Variants in VTI1A observed in about 807,000 individuals in gnomAD.
VTI1A encodes vesicle transport through interaction with t-SNAREs homolog 1A.
A neutral mutation model predicts 34.9 loss-of-function variants in VTI1A; 22 were observed. The ratio of observed to expected loss-of-function variants is 0.63; its 90% CI spans 0.45 to 0.90. The LOEUF (loss-of-function observed/expected upper bound fraction) is 0.90, where lower values mean the gene tolerates loss of function less well. VTI1A is among the 40% of genes least tolerant of loss of function. The pLI is 0.00. For synonymous variants in VTI1A, 87 were observed against 97.3 expected (o/e 0.89, Z 0.62); for missense variants, 268 against 275.6 (o/e 0.97, Z 0.20).
At chr10:112,464,787 T>C (rs1374131940) in intron 3 of VTI1A, 130 bp downstream of exon 3, 2 of 749,554 alleles carry the variant, frequency 2.7e-6, no homozygotes, top group Non-Finnish European at 4.4e-6. Context: ...TCATTCTTTA[T>C]GAGTTAGGGA....
intron 7 of VTI1A, among the ~76,000 whole-genome samples, chr10:112,679,046 G>A (rs577704302): frequency 2.0e-5 from 3 of 152,154 alleles, no homozygotes; most frequent in East Asian, 3.9e-4. Context: ...TTACACTTTG[G>A]TGCTGTTCCT....
At chr10:112,464,195 G>A (rs766635871) in intron 2 of VTI1A, among the ~76,000 whole-genome samples, 2 of 152,016 alleles carry the variant, frequency 1.3e-5, no homozygotes, top group African/African-American at 2.4e-5. Context: ...ATGGGGTTTC[G>A]CCATGTTGCC....
chr10:112,572,723 A>G (rs1852183179), intron 5 of VTI1A, among the ~76,000 whole-genome samples: 1 of 151,612 alleles, frequency 6.6e-6, no homozygotes, highest in Non-Finnish European at 1.5e-5. Context: ...CTGTAGTCCC[A>G]GCTACTCGGG....
chr10:112,632,242 G>C (rs537563027), intron 5 of VTI1A, among the ~76,000 whole-genome samples: 14 of 152,170 alleles, frequency 9.2e-5, no homozygotes, highest in African/African-American at 3.4e-4. Flanking sequence ...CAAATGTCCT[G>C]CTGGTCATTT....
chr10:112,754,951 G>A (rs938042782), intron 7 of VTI1A, among the ~76,000 whole-genome samples: 5 of 152,170 alleles, frequency 3.3e-5, no homozygotes, highest in African/African-American at 1.2e-4. Context: ...GGTTTCCAAG[G>A]CTGTTCAGAA....
intron 5 of VTI1A, among the ~76,000 whole-genome samples, chr10:112,562,712 A>AGAGGGAAAAGGTGGAATTTGAAAAG (rs1851770024): frequency 1.3e-5 from 2 of 152,182 alleles, no homozygotes; most frequent in Admixed American, 6.5e-5. Context: ...AAGAGAGAGA[A>AGAGGGAAAAGGTGGAATTTGAAAAG]GAGGGAAAAG....
At chr10:112,542,217 T>C (rs1205085754) in intron 5 of VTI1A, among the ~76,000 whole-genome samples, 1 of 152,016 alleles carries the variant, frequency 6.6e-6, no homozygotes, top group African/African-American at 2.4e-5. Context: ...GAAAGAGAAA[T>C]TGTACAAGGG....
intron 4 of VTI1A, among the ~76,000 whole-genome samples, chr10:112,535,598 C>T (rs186903685): frequency 6.6e-6 from 1 of 152,246 alleles, no homozygotes; most frequent in East Asian, 1.9e-4. Context: ...TTGGCTCTGC[C>T]GAGCTCCGTT....
chr10:112,618,483 A>G (rs1433473965), intron 5 of VTI1A, among the ~76,000 whole-genome samples: 3 of 120,294 alleles, frequency 2.5e-5, no homozygotes, highest in Non-Finnish European at 5.0e-5. Context: ...TATACAAATG[A>G]TTATATTATA....
At chr10:112,600,060 A>C (rs1844824956) in intron 5 of VTI1A, among the ~76,000 whole-genome samples, 1 of 152,224 alleles carries the variant, frequency 6.6e-6, no homozygotes, top group South Asian at 2.1e-4. Flanking sequence ...GCAGGCTCAC[A>C]GCTGGTGTGT....
rs543497091 is a variant in VTI1A, at chr10:112,750,979, C to T, written c.561-64311C>T. ...TTTAAGTAGACATCCAGGAAGAGAA[C>T]GAAAGTTCCCCTGTTGGTTTTCCCC... is the stretch of plus-strand genomic sequence containing the variant. On this transcript the variant is annotated intron_variant, in intron 7 of 7. Transcript: ENST00000393077. Among the ~76,000 whole-genome samples the T allele has an allele frequency of 5.9e-5, 9 of 152,254 alleles. No individual in the cohort carries two copies. The South Asian group carries it at 1.2e-3, about 21-fold the overall frequency.
chr10:112,454,983 T>C (rs953205989), intron 1 of VTI1A, among the ~76,000 whole-genome samples: 5 of 152,042 alleles, frequency 3.3e-5, no homozygotes, highest in Non-Finnish European at 7.4e-5. Flanking sequence ...TGTACATTAA[T>C]GATAGCCCTT....
At chr10:112,662,604 C>A (rs1166007039) in intron 5 of VTI1A, among the ~76,000 whole-genome samples, 2 of 152,094 alleles carry the variant, frequency 1.3e-5, no homozygotes, top group African/African-American at 4.8e-5. Context: ...GTTCTAAAAT[C>A]TTTATGTGCT....
intron 5 of VTI1A, among the ~76,000 whole-genome samples, chr10:112,630,158 G>T (rs1337254796): frequency 2.0e-5 from 3 of 152,192 alleles, no homozygotes; most frequent in Non-Finnish European, 2.9e-5. Flanking sequence ...CCTTTCTAGA[G>T]AAGTTGTTAT....
chr10:112,795,184 G>T (rs1039911252), intron 7 of VTI1A, among the ~76,000 whole-genome samples: 1 of 152,112 alleles, frequency 6.6e-6, no homozygotes, highest in Non-Finnish European at 1.5e-5. Flanking sequence ...TGTGGTCTTT[G>T]ACATCAGATC....
intron 7 of VTI1A, among the ~76,000 whole-genome samples, chr10:112,769,276 T>C (rs1222238674): frequency 2.6e-5 from 4 of 152,170 alleles, no homozygotes; most frequent in African/African-American, 9.7e-5. Flanking sequence ...TGTGGCTGTC[T>C]CAGGGCCTCA....
chr10:112,607,947 C>T (rs1564846439), intron 5 of VTI1A, among the ~76,000 whole-genome samples: 1 of 152,166 alleles, frequency 6.6e-6, no homozygotes, highest in Non-Finnish European at 1.5e-5. Context: ...ATAGCCAAGA[C>T]AAAAGCCTTA....
the VTI1A span, among the ~76,000 whole-genome samples, chr10:112,827,959 A>G: frequency 6.6e-6 from 1 of 152,314 alleles, no homozygotes; most frequent in East Asian, 1.9e-4. Flanking sequence ...TTACAGAGCA[A>G]TCACAGACTT....
At chr10:112,574,577 C>T (rs2134376205) in intron 5 of VTI1A, among the ~76,000 whole-genome samples, 1 of 152,318 alleles carries the variant, frequency 6.6e-6, no homozygotes, top group Non-Finnish European at 1.5e-5. Context: ...AGTCAGTTAA[C>T]CTTTCTGAGC....
Sources: allele counts gnomAD v4.1 joint callset (sites outside exome capture counted in the v4.1 genomes callset), GRCh38; gene constraint gnomAD v4.1.1; transcripts MANE v1.5; gene names NCBI Gene and HGNC (gene_info 2026-07-23, HGNC 2026-07-21).